The following DTNB variants were observed in gnomAD, a reference collection of about 807,000 sequenced individuals.
The protein encoded by DTNB is DTN-B.
A neutral mutation model predicts 90.7 loss-of-function variants in DTNB; 63 were observed. The observed-to-expected ratio is 0.69, with a 90% CI of 0.57 to 0.86. The LOEUF is 0.86. DTNB is among the 40% of genes least tolerant of loss of function. DTNB has a pLI of 0.00. For synonymous variants in DTNB, 277 were observed against 286.7 expected, an observed-to-expected ratio of 0.97 and a Z score of 0.34; for missense variants, 744 against 807.1, an observed-to-expected ratio of 0.92 and a Z score of 0.95.
At chr2:25,444,534 C>CA (rs5829977) in intron 12 of DTNB, among the ~76,000 whole-genome samples, 50 of 116,322 alleles carry the variant, frequency 4.3e-4, no homozygotes, top group East Asian at 9.9e-4. Flanking sequence ...GACTCCATCT[C>CA]AAAAAAAAAA....
At chr2:25,588,692 T>C (rs2062932510) in intron 6 of DTNB, among the ~76,000 whole-genome samples, 1 of 152,108 alleles carries the variant, frequency 6.6e-6, no homozygotes, top group Non-Finnish European at 1.5e-5. Flanking sequence ...ACAACACATG[T>C]AGTGCCAAAA....
chr2:25,493,378 C>T (rs1314222126), intron 9 of DTNB, among the ~76,000 whole-genome samples: 1 of 152,174 alleles, frequency 6.6e-6, no homozygotes, highest in Admixed American at 6.5e-5. Flanking sequence ...TCACTTGAAT[C>T]AGACCTTTTT....
chr2:25,562,979 A>G (rs1010971145), intron 8 of DTNB, among the ~76,000 whole-genome samples: 5 of 152,260 alleles, frequency 3.3e-5, no homozygotes, highest in Non-Finnish European at 7.4e-5. Flanking sequence ...TGTGTTGGGC[A>G]GGCTGGTCTC....
At chr2:25,516,797 GGAGA>G (rs1412963726) in intron 9 of DTNB, among the ~76,000 whole-genome samples, 1 of 152,086 alleles carries the variant, frequency 6.6e-6, no homozygotes, top group Non-Finnish European at 1.5e-5. Flanking sequence ...GGCTGAGGAA[GGAGA>G]ATCACTTGAA....
intron 2 of DTNB, among the ~76,000 whole-genome samples, chr2:25,647,674 A>G (rs2079801597): frequency 6.6e-6 from 1 of 152,234 alleles, no homozygotes; most frequent in African/African-American, 2.4e-5. Flanking sequence ...TTGGAGTTCA[A>G]GACCAGCCTG....
intron 11 of DTNB, among the ~76,000 whole-genome samples, chr2:25,452,776 T>G (rs916774409): frequency 6.6e-6 from 1 of 152,024 alleles, no homozygotes; most frequent in Non-Finnish European, 1.5e-5. Flanking sequence ...TTTGGCTAAG[T>G]CTTTAAGCTT....
At position 25,531,472 on chromosome 2, in the gene DTNB, C is replaced by T; in HGVS notation, c.1001+1G>A. 6.2e-6 allele frequency: 10 copies of T among 1,612,996 alleles called. No homozygotes were observed. The highest frequency in any genetic ancestry group is 8.5e-6 in the Non-Finnish European group (10 of 1,179,640). ...ACATGCACATCCAGGGGTATACTTA[C>T]ACTATATGTGCAAGGTCAAGTGGTT... is the stretch of plus-strand genomic sequence containing the variant. On this transcript the variant is annotated splice_donor_variant, in intron 9 of 20. Transcript: ENST00000406818. LOFTEE classifies it high-confidence loss of function.
chr2:25,636,367 G>A (rs1227915095), intron 3 of DTNB, among the ~76,000 whole-genome samples: 3 of 152,096 alleles, frequency 2.0e-5, no homozygotes, highest in Non-Finnish European at 4.4e-5. Context: ...AGAATCCTAC[G>A]TGAAAGGTAA....
At chr2:25,544,812 TC>T (rs1398519586) in intron 8 of DTNB, among the ~76,000 whole-genome samples, 1 of 152,226 alleles carries the variant, frequency 6.6e-6, no homozygotes, top group Non-Finnish European at 1.5e-5. Context: ...GTGCTTAAAG[TC>T]ATCCACATTT....
chr2:25,601,111 G>C (rs947818910), intron 5 of DTNB, among the ~76,000 whole-genome samples: 3 of 152,050 alleles, frequency 2.0e-5, no homozygotes, highest in Admixed American at 6.6e-5. Flanking sequence ...CTTAAATGAA[G>C]TTTAACAATC....
At chr2:25,540,469 T>C (rs1430628078) in intron 8 of DTNB, among the ~76,000 whole-genome samples, 2 of 152,106 alleles carry the variant, frequency 1.3e-5, no homozygotes, top group Non-Finnish European at 2.9e-5. Context: ...ACCATCGCAA[T>C]CATTTTATTA....
At position 25,506,177 on chromosome 2, in the gene DTNB, T is replaced by C. The variant is rs148983270; in HGVS notation, c.1002-23304A>G. Among the ~76,000 whole-genome samples, 76 of 152,220 alleles carry C rather than the reference T, an allele frequency of 5.0e-4. 1 individual carries two copies. In the East Asian group the frequency reaches 0.014, roughly 29 times the overall value. On this transcript the variant is annotated intron_variant, in intron 9 of 20. Transcript: ENST00000406818. ...GGAAGGATGAAGAGAGGTTGGTTAA[T>C]GGGTACAAACACAGAGTTAGATGGG...
At chr2:25,654,322 T>C (rs2081633526) in intron 1 of DTNB, among the ~76,000 whole-genome samples, 1 of 152,204 alleles carries the variant, frequency 6.6e-6, no homozygotes, top group Non-Finnish European at 1.5e-5. Flanking sequence ...CCATGGGACA[T>C]TTAGCAATAT....
At chr2:25,392,391 C>T (rs1021088244) in intron 16 of DTNB, among the ~76,000 whole-genome samples, 1 of 152,170 alleles carries the variant, frequency 6.6e-6, no homozygotes, top group Non-Finnish European at 1.5e-5. Context: ...GCCTGGGCAA[C>T]AGAGTGAGAC....
At chr2:25,505,819 A>G (rs562496349) in intron 9 of DTNB, among the ~76,000 whole-genome samples, 2 of 152,310 alleles carry the variant, frequency 1.3e-5, no homozygotes, top group African/African-American at 4.8e-5. Flanking sequence ...TGTCTTCATC[A>G]TCGCTAAAGG....
chr2:25,514,877 T>C (rs1024217838), intron 9 of DTNB, among the ~76,000 whole-genome samples: 10 of 151,966 alleles, frequency 6.6e-5, no homozygotes, highest in African/African-American at 2.2e-4. Context: ...GAGATGAGGT[T>C]TCACCGTGTT....
chr2:25,540,374 CTAGT>C (rs1338280444), intron 8 of DTNB, among the ~76,000 whole-genome samples: 2 of 152,068 alleles, frequency 1.3e-5, no homozygotes, highest in Non-Finnish European at 2.9e-5. Flanking sequence ...GTTCTTATTC[CTAGT>C]TATTTTATAA....
At chr2:25,545,730 T>C (rs1391218052) in intron 8 of DTNB, among the ~76,000 whole-genome samples, 2 of 152,168 alleles carry the variant, frequency 1.3e-5, no homozygotes, top group Non-Finnish European at 2.9e-5. Flanking sequence ...CAAGCAATTC[T>C]CCTGCCTCAG....
chr2:25,499,838 A>T (rs921201953), intron 9 of DTNB, among the ~76,000 whole-genome samples: 1 of 152,196 alleles, frequency 6.6e-6, no homozygotes, highest in Non-Finnish European at 1.5e-5. Context: ...AACAAATATT[A>T]GTTCAATTAT....
Sources: gnomAD v4.1 joint callset for allele counts (sites outside exome capture counted in the v4.1 genomes callset) on GRCh38, gnomAD v4.1.1 for gene constraint, MANE v1.5 for transcripts, NCBI Gene and HGNC (gene_info 2026-07-23, HGNC 2026-07-21) for gene names.